Variants in PLEKHA6 observed in about 807,000 individuals in gnomAD.
The protein encoded by PLEKHA6 is pleckstrin homology domain containing A6.
A neutral mutation model predicts 116.7 loss-of-function variants in PLEKHA6; 60 were observed. The ratio of observed to expected loss-of-function variants is 0.51; its 90% confidence interval spans 0.42 to 0.64. PLEKHA6 has a LOEUF of 0.64. Ranked by LOEUF, PLEKHA6 falls within the 30% of genes least tolerant of loss-of-function variation. PLEKHA6 has a pLI of 0.00. For missense variants in PLEKHA6, 1,338 were observed against 1,422.7 expected, an observed-to-expected ratio of 0.94 and a Z score of 0.96; for synonymous variants, 489 against 556.1, an observed-to-expected ratio of 0.88 and a Z score of 1.70.
At chr1:204,335,299 G>C (rs1274797292) in intron 1 of PLEKHA6, among the ~76,000 whole-genome samples, 1 of 152,066 alleles carries the variant, frequency 6.6e-6, no homozygotes, top group East Asian at 1.9e-4. Flanking sequence ...CAGCTGGGCA[G>C]GGGGGTGTTT....
chr1:204,330,820 A>T (rs969054943), intron 1 of PLEKHA6, among the ~76,000 whole-genome samples: 1 of 152,116 alleles, frequency 6.6e-6, no homozygotes, highest in Non-Finnish European at 1.5e-5. Flanking sequence ...TCCCTAGATC[A>T]CCCTGGCTCA....
Position 204,344,364 on chromosome 1 carries a change from C to T in PLEKHA6, c.-95+15330G>A, listed in dbSNP as rs555321015. Among the ~76,000 whole-genome samples the T allele has an allele frequency of 5.3e-5, 8 of 152,040 alleles. No individual in the cohort carries two copies. The South Asian group carries it at 8.3e-4, about 16-fold the overall frequency. ...CCTGTAATCCTAGCACTTTGGGAGG[C>T]CTAGGCAGGTGGATCATTTGAGCTC... On this transcript the variant is annotated intron_variant, in intron 1 of 22. Transcript: ENST00000272203.
At chr1:204,291,729 ACTAAT>A (rs1375127480) in intron 1 of PLEKHA6, among the ~76,000 whole-genome samples, 2 of 152,220 alleles carry the variant, frequency 1.3e-5, no homozygotes, top group African/African-American at 4.8e-5. Context: ...AAAAATGCAA[ACTAAT>A]CTATAGTGAC....
At chr1:204,250,741 G>T in intron 9 of PLEKHA6, 127 bp from the exon 10 acceptor site, 1 of 738,128 alleles carries the variant, frequency 1.4e-6, no homozygotes, top group South Asian at 1.5e-5. Flanking sequence ...GGTAGCTTCT[G>T]TTCCAGGGAC....
chr1:204,329,744 G>A (rs557381093), intron 1 of PLEKHA6, among the ~76,000 whole-genome samples: 47 of 152,244 alleles, frequency 3.1e-4, no homozygotes, highest in Non-Finnish European at 4.3e-4. Flanking sequence ...AATCCAGAAC[G>A]TGAAAAACTC....
At chr1:204,248,749 A>G in intron 12 of PLEKHA6, 72 bp downstream of exon 12, 1 of 1,425,080 alleles carries the variant, frequency 7.0e-7, no homozygotes. Context: ...AGGACAGCAC[A>G]AGCTGGGAGG....
intron 2 of PLEKHA6, among the ~76,000 whole-genome samples, chr1:204,274,245 T>G (rs562451984): frequency 6.6e-6 from 1 of 152,274 alleles, no homozygotes; most frequent in African/African-American, 2.4e-5. Context: ...GGACATTTAT[T>G]TTAAAATCTA....
chr1:204,333,530 TATATTATC>T (rs1418004788), intron 1 of PLEKHA6, among the ~76,000 whole-genome samples: 9 of 152,370 alleles, frequency 5.9e-5, no homozygotes, highest in African/African-American at 2.2e-4. Context: ...AAGGAAGCAC[TATATTATC>T]ATCTCTCCTT....
Position 204,277,021 on chromosome 1 carries a change from TCAA to T in PLEKHA6, c.-94-2215_-94-2213del, listed in dbSNP as rs1299778769. ...CTGACCCGTCGATCAGCCCGAAACTTCAACATCTTTTTGGCAGCTCCGTCCCCA... is the reference window on the plus strand; with the variant it reads ...CTGACCCGTCGATCAGCCCGAAACTTCATCTTTTTGGCAGCTCCGTCCCCA... On this transcript the variant is annotated intron_variant, in intron 1 of 22. Coordinates refer to ENST00000272203, the MANE Select transcript of PLEKHA6 (RefSeq NM_014935.5). This position sits in a 1 kb window ranked among gnomAD's most constrained non-coding sequence, Gnocchi z 4.1. The T allele has an allele frequency of 6.6e-6, 1 of 152,628 alleles. No individual in the cohort carries two copies. The highest frequency in any genetic ancestry group is 1.9e-4 in the East Asian group (1 of 5,196). 9.5% of individuals were successfully genotyped at this position (152,628 alleles called of 1,614,324 possible). A position where few individuals can be genotyped will look rare whatever the true frequency, so the allele number is the denominator to read the frequency against.
chr1:204,306,212 C>T (rs1671287797), intron 1 of PLEKHA6, among the ~76,000 whole-genome samples: 1 of 152,194 alleles, frequency 6.6e-6, no homozygotes, highest in African/African-American at 2.4e-5. Context: ...CTGGGCCACC[C>T]ACCATTCCTG....
chr1:204,360,259 T>G (rs1673528808), upstream of PLEKHA6, among the ~76,000 whole-genome samples: 1 of 151,584 alleles, frequency 6.6e-6, no homozygotes, highest in African/African-American at 2.4e-5. Flanking sequence ...TAGAATCATG[T>G]GTGGGGCCTC....
intron 1 of PLEKHA6, among the ~76,000 whole-genome samples, chr1:204,299,278 G>T (rs189549852): frequency 1.3e-5 from 2 of 152,330 alleles, no homozygotes; most frequent in East Asian, 3.9e-4. Flanking sequence ...GGAAAGCACT[G>T]GGAATTTTGT....
intron 3 of PLEKHA6, among the ~76,000 whole-genome samples, chr1:204,366,908 G>T (rs562133705): frequency 2.1e-4 from 32 of 152,326 alleles, no homozygotes; most frequent in Non-Finnish European, 3.1e-4. Flanking sequence ...AGAGAGGGAC[G>T]GAAAGGGGAT....
rs143221611 is a variant in PLEKHA6 at position 204,317,266 on chromosome 1, AGCTCCAGGCAGGG to A, written c.-95+42415_-95+42427del. The A allele has an allele frequency of 3.9e-3, 3,592 of 925,782 alleles. 76 individuals carry two copies. The African/African-American group carries it at 0.054, about 14-fold the overall frequency. 57.3% of individuals were successfully genotyped at this position (925,782 alleles called of 1,614,324 possible). The stretch of plus-strand genomic sequence containing the variant: ...GGGACAGCTAGCAGCCCTGGGTCCT[AGCTCCAGGCAGGG>A]GCTCCAGTTTGGAAAGCCTTTCCTG... On this transcript the variant is annotated intron_variant, in intron 1 of 22. Transcript: ENST00000272203.
intron 1 of PLEKHA6, among the ~76,000 whole-genome samples, chr1:204,283,931 C>A (rs12124211): frequency 6.6e-6 from 1 of 152,192 alleles, no homozygotes; most frequent in Non-Finnish European, 1.5e-5. Flanking sequence ...CACAGGGGAA[C>A]TGAATAACTG....
chr1:204,360,383 G>GCCC (rs55977147), upstream of PLEKHA6, among the ~76,000 whole-genome samples: 352 of 135,578 alleles, frequency 2.6e-3, 5 homozygotes, highest in East Asian at 0.014. Context: ...CCCATCCCCC[G>GCCC]CCCCCCCCCC....
intron 2 of PLEKHA6, chr1:204,368,835 A>T (rs1162438396): frequency 1.3e-5 from 2 of 152,240 alleles, no homozygotes; most frequent in East Asian, 3.8e-4. Context: ...CTCTTGATGG[A>T]CAGTGACTGC....
At position 204,227,901 on chromosome 1, in the gene PLEKHA6, C is replaced by T. The variant is rs563829554; in HGVS notation, c.3031+182G>A. Reference sequence around the variant, plus strand: ...GGATGCAGCAACTCTGGCCCCTTTGCACCTCCCTGAGCCTAGCACAGTACC... The same window carrying T: ...GGATGCAGCAACTCTGGCCCCTTTGTACCTCCCTGAGCCTAGCACAGTACC... On this transcript the variant is annotated intron_variant, in intron 21 of 22. Transcript: ENST00000272203. Among the ~76,000 whole-genome samples, 8 of 152,322 alleles carry T rather than the reference C, an allele frequency of 5.3e-5. No homozygotes were observed. In the East Asian group the frequency reaches 1.5e-3, roughly 29 times the overall value.
At chr1:204,250,465 A>T in intron 10 of PLEKHA6, 81 bp downstream of exon 10, 1 of 929,072 alleles carries the variant, frequency 1.1e-6, no homozygotes, top group Non-Finnish European at 1.8e-6. Flanking sequence ...AGGAAGAGAG[A>T]TGGATGGAGA....
Sources: gnomAD v4.1 joint callset for allele counts (sites outside exome capture counted in the v4.1 genomes callset) on GRCh38, gnomAD v4.1.1 for gene constraint, Gnocchi (gnomAD v3.1) non-coding constraint, MANE v1.5 for transcripts, NCBI Gene and HGNC (gene_info 2026-07-23, HGNC 2026-07-21) for gene names.